The following DENND4A variants were observed in gnomAD, a reference collection of about 807,000 sequenced individuals.
The protein encoded by DENND4A is DENN domain containing 4A.
DENND4A carries 70 observed loss-of-function variants against 199.3 expected under a neutral mutation model. The ratio of observed to expected loss-of-function variants is 0.35; its 90% CI spans 0.29 to 0.43. DENND4A has a LOEUF of 0.43. DENND4A is among the 20% of genes least tolerant of loss of function. The pLI is 1.00. For missense variants in DENND4A, 1,723 were observed against 2,255.8 expected (o/e 0.76, Z 4.78); for synonymous variants, 686 against 766.9 (o/e 0.89, Z 1.74).
At chr15:65,732,575 T>C (rs2075991453) in intron 8 of DENND4A, among the ~76,000 whole-genome samples, 177 bp downstream of exon 8, 1 of 152,142 alleles carries the variant, frequency 6.6e-6, no homozygotes, top group African/African-American at 2.4e-5. Flanking sequence ...AAGCAGGAGA[T>C]GTCTGGGAGG....
intron 7 of DENND4A, among the ~76,000 whole-genome samples, chr15:65,733,731 C>T (rs1323956917): frequency 6.6e-6 from 1 of 152,158 alleles, no homozygotes; most frequent in African/African-American, 2.4e-5. Context: ...CCATTTTGTT[C>T]TGTACTAAGA....
In DENND4A at chr15:65,699,531, C is replaced by T. The variant is rs1456909293; in HGVS notation, c.2833+1013G>A. On this transcript the variant is annotated intron_variant, in intron 20 of 32. Transcript: ENST00000443035. Reference sequence around the variant, plus strand: ...GCACTGAAGTATACAATTCTATATACACATATATAAACATACACATAAGAT... The same window carrying T: ...GCACTGAAGTATACAATTCTATATATACATATATAAACATACACATAAGAT... Among the ~76,000 whole-genome samples, 4 of 150,798 alleles carry T rather than the reference C, an allele frequency of 2.7e-5. No homozygotes were observed. In the East Asian group the frequency reaches 5.8e-4, roughly 22 times the overall value.
Position 65,676,428 on chromosome 15 carries a change from G to A in DENND4A, c.4369+17C>T, listed in dbSNP as rs565580937. On this transcript the variant is annotated intron_variant, in intron 24 of 32. Transcript: ENST00000443035. Reference sequence around the variant, plus strand: ...ACTACAAATCAAATGCAGTATGACAGAACTGTTTGGACAAACCTTCCAAGG... The same window carrying A: ...ACTACAAATCAAATGCAGTATGACAAAACTGTTTGGACAAACCTTCCAAGG... 6 of 1,573,270 alleles carry A rather than the reference G, an allele frequency of 3.8e-6. No homozygotes were observed. In the African/African-American group the frequency reaches 8.1e-5, roughly 21 times the overall value.
In DENND4A at chr15:65,729,629, C is replaced by A; in HGVS notation, c.1216G>T (p.Val406Leu). The A allele has an allele frequency of 6.4e-7, 1 of 1,570,252 alleles. No individual in the cohort carries two copies. The highest frequency in any genetic ancestry group is 2.3e-5 in the East Asian group (1 of 42,808). ...LLQNLGPENA[V>L]TLLVFAVTEH... ...GTTACTGCAAACACCAGTAGTGTCA[C>A]AGCATTTTCAGGGCCTAAATTCTGC... is the stretch of plus-strand genomic sequence containing the variant. Residue 406 changes from valine (V) to leucine (L), a missense_variant, in exon 10 of 33, where the codon GTG becomes TTG. Physicochemically the swap from Val to Leu is conservative, Grantham distance 32 (BLOSUM62 1). Coordinates refer to ENST00000443035, the MANE Select transcript of DENND4A (RefSeq NM_001320835.1).
intron 7 of DENND4A, among the ~76,000 whole-genome samples, chr15:65,734,210 T>G (rs1015693579): frequency 6.6e-6 from 1 of 152,204 alleles, no homozygotes; most frequent in African/African-American, 2.4e-5. Flanking sequence ...ACGTTCCATC[T>G]ACTGAGATAG....
At chr15:65,782,829 G>A (rs1596702986) in intron 1 of DENND4A, among the ~76,000 whole-genome samples, 1 of 152,186 alleles carries the variant, frequency 6.6e-6, no homozygotes. Context: ...CTATCAAAGA[G>A]CATTTATCAA....
At chr15:65,666,645 G>T (rs1323954257) in intron 29 of DENND4A, among the ~76,000 whole-genome samples, 1 of 152,094 alleles carries the variant, frequency 6.6e-6, no homozygotes, top group African/African-American at 2.4e-5. Flanking sequence ...TGGACACAGT[G>T]GCTCCTGCCT....
chr15:65,681,906 T>C lies in DENND4A; in HGVS notation c.4180-5272A>G, dbSNP rs189406057. 6.8e-4 allele frequency among the ~76,000 whole-genome samples: 104 copies of C among 152,294 alleles called. 2 individuals are homozygous for C. The highest frequency in any genetic ancestry group is 2.4e-3 in the African/African-American group (99 of 41,564). ...TGGAGCTCTTGCATGACTAGGTGCA[T>C]TGTCAATGAGCAGTAATATTTTGAA... is the stretch of plus-strand genomic sequence containing the variant. On this transcript the variant is annotated intron_variant, in intron 23 of 32. Coordinates refer to ENST00000443035, the MANE Select transcript of DENND4A (RefSeq NM_001320835.1).
At chr15:65,694,420 G>A (rs1248779691) in intron 22 of DENND4A, among the ~76,000 whole-genome samples, 1 of 151,178 alleles carries the variant, frequency 6.6e-6, no homozygotes, top group African/African-American at 2.4e-5. Context: ...CTGCACTCCA[G>A]CCTGGGCACC....
chr15:65,675,684 G>A (rs2076351986), intron 24 of DENND4A, among the ~76,000 whole-genome samples: 2 of 152,030 alleles, frequency 1.3e-5, no homozygotes, highest in African/African-American at 2.4e-5. Flanking sequence ...AATGAAAACT[G>A]ACTGAAATAC....
intron 1 of DENND4A, among the ~76,000 whole-genome samples, chr15:65,770,526 T>C (rs1418947003): frequency 2.0e-5 from 3 of 152,160 alleles, no homozygotes; most frequent in Non-Finnish European, 2.9e-5. Flanking sequence ...TAAAACTAAA[T>C]AGCAAAATGA....
chr15:65,662,009 T>C, intron 32 of DENND4A, 22 bp from the exon 33 acceptor site: 1 of 1,586,506 alleles, frequency 6.3e-7, no homozygotes, highest in Non-Finnish European at 8.6e-7. Context: ...GATAAAGAAA[T>C]AAAAGAATAA....
chr15:65,667,667 C>G lies in DENND4A; in HGVS notation c.5023G>C (p.Asp1675His). 1 of 1,613,860 alleles carries G rather than the reference C, an allele frequency of 6.2e-7. No homozygotes were observed. The highest frequency in any genetic ancestry group is 8.5e-7 in the Non-Finnish European group (1 of 1,179,858). ...LGLEWHLPSP[D>H]PVTVPYLSPL... ...CTAAGATACGGAACAGTGACAGGAT[C>G]GGGACTTGGAAGGTGCCATTCTAAA... is the stretch of plus-strand genomic sequence containing the variant. Residue 1675 changes from aspartate (D) to histidine (H), a missense_variant, in exon 29 of 33, where the codon GAT (aspartate) becomes CAT (histidine). Physicochemically the swap from Asp to His is moderately conservative, Grantham distance 81. Around this residue, in one of 6 missense-constraint regions of DENND4A, gnomAD observed 141 missense variants for 170.7 expected, o/e 0.83. Coordinates refer to ENST00000443035, the MANE Select transcript of DENND4A (RefSeq NM_001320835.1).
intron 23 of DENND4A, among the ~76,000 whole-genome samples, chr15:65,677,224 T>A (rs1482534054): frequency 6.6e-6 from 1 of 152,186 alleles, no homozygotes; most frequent in African/African-American, 2.4e-5. Context: ...GCAAAAATTT[T>A]TTTTTGAGAC....
intron 4 of DENND4A, among the ~76,000 whole-genome samples, chr15:65,747,314 CA>C (rs1383627458): frequency 1.3e-5 from 2 of 152,168 alleles, no homozygotes; most frequent in Non-Finnish European, 1.5e-5. Context: ...AATATCAAAT[CA>C]AAGTCCAAAT....
chr15:65,792,025 C>T lies in DENND4A; in HGVS notation c.-117G>A, dbSNP rs1484081206. On this transcript the variant is annotated 5_prime_UTR_variant, in exon 1 of 33. Transcript: ENST00000443035. ...CCGCACTCACCACCCAGCTGGCTCC[C>T]GTGCGAGCAGCGGATCGAGCTCGGA... is the stretch of plus-strand genomic sequence containing the variant. The T allele has an allele frequency of 1.3e-5, 2 of 152,444 alleles. No individual in the cohort carries two copies. Among genetic ancestry groups the T allele is most frequent in the East Asian group, 1.9e-4 (1 of 5,176 alleles). The allele number at this position is 152,444 out of a possible 1,614,324, so 9.4% of individuals were successfully genotyped here.
chr15:65,689,393 T>C (rs77168472), intron 23 of DENND4A, among the ~76,000 whole-genome samples: 4 of 152,312 alleles, frequency 2.6e-5, no homozygotes, highest in Non-Finnish European at 5.9e-5. Flanking sequence ...GTGATAGACA[T>C]TGTATATTAA....
intron 1 of DENND4A, among the ~76,000 whole-genome samples, chr15:65,789,674 GAAC>G (rs909883517): frequency 1.3e-5 from 2 of 152,070 alleles, no homozygotes; most frequent in African/African-American, 2.4e-5. Context: ...TTTCCACCTA[GAAC>G]AACGCACCAT....
At chr15:65,674,569 C>T (rs549943387) in intron 24 of DENND4A, among the ~76,000 whole-genome samples, 8 of 152,052 alleles carry the variant, frequency 5.3e-5, no homozygotes, top group African/African-American at 1.9e-4. Context: ...TTGAGACCAG[C>T]CTGTGAGATC....
Sources: gnomAD v4.1 joint callset for allele counts (sites outside exome capture counted in the v4.1 genomes callset) on GRCh38, gnomAD v4.1.1 for gene constraint, gnomAD v4.1.1 regional missense constraint, MANE v1.5 for transcripts, NCBI Gene and HGNC (gene_info 2026-07-23, HGNC 2026-07-21) for gene names.